The following NT5DC1 variants were observed in gnomAD, a reference collection of about 807,000 sequenced individuals.
NT5DC1 encodes the protein 5'-nucleotidase domain-containing protein 1.
Under a neutral mutation model 59.4 loss-of-function variants are expected in NT5DC1, and 42 were observed. The observed-to-expected ratio is 0.71, with a 90% CI of 0.55 to 0.92. The LOEUF is 0.92. Among genes scored for constraint, NT5DC1 ranks in the 40% least tolerant of loss-of-function variants. The probability of loss-of-function intolerance (pLI) is 0.00; values close to 1 mark genes in which losing one functional copy is unlikely to be tolerated. For synonymous variants in NT5DC1, 172 were observed against 188.1 expected, an observed-to-expected ratio of 0.91 and a Z score of 0.70; for missense variants, 501 against 537.1, an observed-to-expected ratio of 0.93 and a Z score of 0.66.
In NT5DC1 at chr6:116,131,509, A is replaced by AT. The variant is rs536957863; in HGVS notation, c.529+13565dup. Among the ~76,000 whole-genome samples, 7 of 152,264 alleles carry AT rather than the reference A, an allele frequency of 4.6e-5. No homozygotes were observed. The South Asian group carries it at 1.5e-3, about 32-fold the overall frequency. ...GACCTGAACTGCAGCTTTATTATAG[A>AT]TAACAGTTTATATTGGAGATCATTG... On this transcript the variant is annotated intron_variant, in intron 6 of 11. Transcript: ENST00000319550.
At chr6:116,213,773 A>G (rs574862225) in intron 6 of NT5DC1, among the ~76,000 whole-genome samples, 2 of 152,180 alleles carry the variant, frequency 1.3e-5, no homozygotes, top group African/African-American at 4.8e-5. Flanking sequence ...GATCCTGCCT[A>G]TTTCACCTCT....
chr6:116,132,619 A>G (rs917946961), intron 6 of NT5DC1, among the ~76,000 whole-genome samples: 5 of 152,114 alleles, frequency 3.3e-5, no homozygotes, highest in Admixed American at 3.3e-4. Context: ...CTAGTTTATT[A>G]TGCACATCCC....
rs1275034568 is a variant in NT5DC1, at chr6:116,243,895, T to G, written c.1253-14T>G. On this transcript the variant is annotated splice_polypyrimidine_tract_variant and intron_variant, in intron 11 of 11. Coordinates refer to ENST00000319550, the MANE Select transcript of NT5DC1 (RefSeq NM_152729.3). ...GAGACCTGTGCAATAATTAAATTTTTTTTTCCTCCCCAGAATTACCTCTGG... is the reference window on the plus strand; with the variant it reads ...GAGACCTGTGCAATAATTAAATTTTGTTTTCCTCCCCAGAATTACCTCTGG... 9.3e-7 allele frequency: 1 copy of G among 1,081,074 alleles called. No homozygotes were observed. The highest frequency in any genetic ancestry group is 2.1e-5 in the Admixed American group (1 of 46,750). 67.0% of individuals were successfully genotyped at this position (1,081,074 alleles called of 1,614,324 possible).
chr6:116,154,029 C>CTTT (rs34356532), intron 6 of NT5DC1, among the ~76,000 whole-genome samples: 2 of 122,340 alleles, frequency 1.6e-5, no homozygotes, highest in African/African-American at 3.1e-5. Context: ...GGGAAGATTT[C>CTTT]TTTTTTTTTT....
At chr6:116,236,732 ATCCTGGGCAAAATAACTTCCTTGAAC>A (rs1388688547) in intron 8 of NT5DC1, among the ~76,000 whole-genome samples, 1 of 152,180 alleles carries the variant, frequency 6.6e-6, no homozygotes, top group Non-Finnish European at 1.5e-5. Flanking sequence ...CAGCATTGAG[ATCCTGGGCAAAATAACTTCCTTGAAC>A]CTTATTTTCC....
At chr6:116,157,023 G>A (rs1056166875) in intron 6 of NT5DC1, among the ~76,000 whole-genome samples, 5 of 152,070 alleles carry the variant, frequency 3.3e-5, no homozygotes, top group African/African-American at 7.2e-5. Flanking sequence ...TTGCCTAAGT[G>A]CGTTCACTTC....
intron 6 of NT5DC1, among the ~76,000 whole-genome samples, chr6:116,161,740 A>G (rs1335344089): frequency 2.6e-5 from 4 of 152,124 alleles, no homozygotes; most frequent in Non-Finnish European, 5.9e-5. Context: ...GAATTTTATA[A>G]TTGTTTTTTC....
intron 11 of NT5DC1, among the ~76,000 whole-genome samples, chr6:116,242,536 A>G (rs1193152292): frequency 1.3e-5 from 2 of 152,018 alleles, no homozygotes; most frequent in Admixed American, 6.6e-5. Context: ...AACAAAGTAG[A>G]TATTAAGGGG....
chr6:116,127,060 A>G (rs1022560976), intron 6 of NT5DC1, among the ~76,000 whole-genome samples: 19 of 152,174 alleles, frequency 1.2e-4, no homozygotes, highest in African/African-American at 4.6e-4. Flanking sequence ...CATCTTATTT[A>G]ATTTCATCGT....
At chr6:116,210,195 G>A (rs1582874993) in intron 6 of NT5DC1, among the ~76,000 whole-genome samples, 1 of 152,014 alleles carries the variant, frequency 6.6e-6, no homozygotes, top group African/African-American at 2.4e-5. Context: ...TGGCTTTTGA[G>A]TTCAGTGCCA....
chr6:116,247,977 A>T lies in NT5DC1; in HGVS notation c.*3953A>T, dbSNP rs1025741480. 16 of 152,238 alleles carry T rather than the reference A, an allele frequency of 1.1e-4. No homozygotes were observed. Among genetic ancestry groups the T allele is most frequent in the African/African-American group, 3.6e-4 (15 of 41,462 alleles). 9.4% of individuals were successfully genotyped at this position (152,238 alleles called of 1,614,324 possible). On this transcript the variant is annotated 3_prime_UTR_variant, in exon 12 of 12. Transcript: ENST00000319550. ...TGTGCAGCAAACATCAAGGTTACATAAGTAAATTCAAATGTGTCAATCTGT... is the reference window on the plus strand; with the variant it reads ...TGTGCAGCAAACATCAAGGTTACATTAGTAAATTCAAATGTGTCAATCTGT...
chr6:116,152,104 G>T (rs73772291), intron 6 of NT5DC1, among the ~76,000 whole-genome samples: 5,857 of 152,206 alleles, frequency 0.038, 178 homozygotes, highest in African/African-American at 0.08. Flanking sequence ...GGTGGAGTGA[G>T]ATTTGTATGT....
At chr6:116,240,347 A>G (rs758843861) in intron 11 of NT5DC1, among the ~76,000 whole-genome samples, 30 of 152,252 alleles carry the variant, frequency 2.0e-4, no homozygotes, top group Non-Finnish European at 8.8e-5. Flanking sequence ...TTTTAAAAAT[A>G]TAGTATAATA....
At chr6:116,129,019 A>G (rs1036007860) in intron 6 of NT5DC1, among the ~76,000 whole-genome samples, 1 of 152,188 alleles carries the variant, frequency 6.6e-6, no homozygotes, top group Non-Finnish European at 1.5e-5. Context: ...CTGTCACTCA[A>G]TTCTCTTTTC....
chr6:116,221,263 T>A (rs761542218), intron 7 of NT5DC1, 35 bp downstream of exon 7: 2 of 1,291,602 alleles, frequency 1.5e-6, no homozygotes, highest in Non-Finnish European at 2.2e-6. Flanking sequence ...CATTGTCTTA[T>A]GAAATACAGA....
intron 6 of NT5DC1, among the ~76,000 whole-genome samples, chr6:116,168,410 T>A (rs1780526558): frequency 6.6e-6 from 1 of 152,122 alleles, no homozygotes. Context: ...TTTTGATTAC[T>A]GTATTTTTCA....
chr6:116,197,174 A>G (rs1164530144), intron 6 of NT5DC1, among the ~76,000 whole-genome samples: 4 of 151,606 alleles, frequency 2.6e-5, no homozygotes, highest in Non-Finnish European at 4.4e-5. Flanking sequence ...CTCTCTACCT[A>G]GGGTCTGAAG....
At chr6:116,212,523 T>C (rs1781600776) in intron 6 of NT5DC1, among the ~76,000 whole-genome samples, 1 of 152,122 alleles carries the variant, frequency 6.6e-6, no homozygotes, top group South Asian at 2.1e-4. Flanking sequence ...TTTGGCTTTA[T>C]TAGTAAGAAA....
At chr6:116,159,035 T>C (rs1007043282) in intron 6 of NT5DC1, among the ~76,000 whole-genome samples, 1 of 152,226 alleles carries the variant, frequency 6.6e-6, no homozygotes, top group African/African-American at 2.4e-5. Flanking sequence ...TAGTTTTAAT[T>C]AATAAATCTA....
Sources: allele counts gnomAD v4.1 joint callset (sites outside exome capture counted in the v4.1 genomes callset), GRCh38; gene constraint gnomAD v4.1.1; transcripts MANE v1.5; gene names NCBI Gene and HGNC (gene_info 2026-07-23, HGNC 2026-07-21).